Variants in EYS observed in about 807,000 individuals in gnomAD.
EYS encodes protein eyes shut homolog.
Under a neutral mutation model 282.1 loss-of-function variants are expected in EYS, and 250 were observed. That is an observed-to-expected ratio of 0.89 (90% CI 0.80 to 0.98). The LOEUF (loss-of-function observed/expected upper bound fraction) is 0.98. EYS is among the 50% of genes least tolerant of loss of function. The pLI is 0.00. For synonymous variants in EYS, 1,355 were observed against 1,282.9 expected, an observed-to-expected ratio of 1.06 and a Z score of -1.20; for missense variants, 4,016 against 3,709.0, an observed-to-expected ratio of 1.08 and a Z score of -2.15.
intron 15 of EYS, among the ~76,000 whole-genome samples, chr6:64,928,012 C>A (rs538939503): frequency 2.0e-5 from 3 of 152,056 alleles, no homozygotes; most frequent in African/African-American, 7.2e-5. Context: ...TGGATAAGTT[C>A]TATATTTTGG....
chr6:64,588,502 C>T (rs929825072), intron 26 of EYS, among the ~76,000 whole-genome samples: 8 of 151,994 alleles, frequency 5.3e-5, no homozygotes, highest in South Asian at 2.1e-4. Flanking sequence ...AGTCTCCTCC[C>T]TGTCTGTTCT....
At chr6:64,235,040 G>A (rs1292163150) in intron 30 of EYS, among the ~76,000 whole-genome samples, 5 of 151,184 alleles carry the variant, frequency 3.3e-5, no homozygotes, top group Admixed American at 3.3e-4. Context: ...ACCACACCCG[G>A]CTAATTTTTA....
At chr6:64,829,098 TA>T (rs1443086548) in intron 19 of EYS, among the ~76,000 whole-genome samples, 4 of 151,800 alleles carry the variant, frequency 2.6e-5, no homozygotes, top group Admixed American at 2.6e-4. Flanking sequence ...GAAGGCAAAA[TA>T]TAAGACTATC....
intron 1 of EYS, among the ~76,000 whole-genome samples, chr6:65,654,881 TAA>T (rs1238639684): frequency 7.9e-5 from 12 of 151,016 alleles, no homozygotes; most frequent in African/African-American, 2.9e-4. Flanking sequence ...AATTTGTTTT[TAA>T]AAGATATTCT....
chr6:64,035,019 G>A (rs918684520), intron 33 of EYS, among the ~76,000 whole-genome samples: 4 of 152,176 alleles, frequency 2.6e-5, no homozygotes, highest in African/African-American at 9.7e-5. Context: ...AATGTCTGGA[G>A]ATTGTCACAG....
At chr6:65,678,069 G>C (rs1001032545) in intron 1 of EYS, among the ~76,000 whole-genome samples, 1 of 151,984 alleles carries the variant, frequency 6.6e-6, no homozygotes, top group Non-Finnish European at 1.5e-5. Flanking sequence ...CTTCTGGTGA[G>C]GGATTCAGGA....
intron 2 of EYS, among the ~76,000 whole-genome samples, chr6:65,540,660 TG>T (rs1768131656): frequency 6.6e-6 from 1 of 152,206 alleles, no homozygotes; most frequent in African/African-American, 2.4e-5. Flanking sequence ...GGCTCACGCC[TG>T]TAATCCCAGC....
chr6:65,394,754 C>T (rs765845228), intron 7 of EYS, among the ~76,000 whole-genome samples: 1 of 152,100 alleles, frequency 6.6e-6, no homozygotes, highest in Non-Finnish European at 1.5e-5. Flanking sequence ...GCTCTGTACA[C>T]TTCTTTCATA....
At chr6:65,670,845 G>C (rs945501337) in intron 1 of EYS, among the ~76,000 whole-genome samples, 1 of 151,288 alleles carries the variant, frequency 6.6e-6, no homozygotes, top group Non-Finnish European at 1.5e-5. Context: ...TACAATCCTT[G>C]TTTCCTTGGC....
At chr6:64,047,258 C>T (rs1770659505) in intron 33 of EYS, among the ~76,000 whole-genome samples, 1 of 151,548 alleles carries the variant, frequency 6.6e-6, no homozygotes, top group Admixed American at 6.6e-5. Context: ...TTCAATAATT[C>T]CACTTAGGAG....
At position 64,536,256 on chromosome 6, in the gene EYS, G is replaced by A. The variant is rs933185503; in HGVS notation, c.5644+53967C>T. On this transcript the variant is annotated intron_variant, in intron 26 of 42. Coordinates refer to ENST00000503581, the MANE Select transcript of EYS (RefSeq NM_001142800.2). ...TATCTGAAGTCCTCTTACCTGCTTC[G>A]GGAAAACAAATGTAAGGGAAAAAAC... Among the ~76,000 whole-genome samples the A allele has an allele frequency of 4.0e-5, 6 of 151,872 alleles. No individual in the cohort carries two copies. The East Asian group carries it at 5.8e-4, about 15-fold the overall frequency.
At position 64,627,796 on chromosome 6, in the gene EYS, AG is replaced by A. The variant is rs149383282; in HGVS notation, c.3444-1552del. 2.4e-3 allele frequency among the ~76,000 whole-genome samples: 368 copies of A among 152,236 alleles called. 2 individuals are homozygous for A. Among genetic ancestry groups the A allele is most frequent in the African/African-American group, 8.3e-3 (345 of 41,554 alleles). ...ACCAACAAACAATAAGACTTGCTTT[AG>A]GGCCGGGGGCGGTGGCTCACGCCTG... On this transcript the variant is annotated intron_variant, in intron 22 of 42. Transcript: ENST00000503581.
At chr6:64,143,039 C>T (rs566004176) in intron 31 of EYS, among the ~76,000 whole-genome samples, 17 of 152,166 alleles carry the variant, frequency 1.1e-4, no homozygotes, top group African/African-American at 2.9e-4. Context: ...GAAATGTAAA[C>T]GCATATCACT....
chr6:65,286,243 C>G (rs1188656322), intron 12 of EYS, among the ~76,000 whole-genome samples: 1 of 151,730 alleles, frequency 6.6e-6, no homozygotes, highest in African/African-American at 2.4e-5. Flanking sequence ...ATCACACTTC[C>G]AAATTAAGCT....
chr6:63,810,306 C>T (rs976278514), intron 36 of EYS, among the ~76,000 whole-genome samples: 4 of 123,642 alleles, frequency 3.2e-5, no homozygotes, highest in Non-Finnish European at 6.7e-5. Context: ...CAAAAACAAC[C>T]CCCCCCCCCA....
intron 5 of EYS, among the ~76,000 whole-genome samples, chr6:65,410,127 C>T (rs1262165066): frequency 2.0e-5 from 3 of 151,996 alleles, no homozygotes; most frequent in East Asian, 3.9e-4. Flanking sequence ...TATAGTAAAA[C>T]ATTGTTTGAA....
chr6:65,142,658 TAA>T (rs757628235), intron 12 of EYS, among the ~76,000 whole-genome samples: 3 of 144,678 alleles, frequency 2.1e-5, no homozygotes, highest in Non-Finnish European at 4.6e-5. Context: ...ATTCCAAATT[TAA>T]AAAAAAAAAA....
intron 36 of EYS, chr6:63,821,578 G>C (rs1349001164): frequency 6.6e-6 from 1 of 152,236 alleles, no homozygotes; most frequent in Non-Finnish European, 1.5e-5. Context: ...CCAATGACAG[G>C]TTGCTTCTTG....
Position 64,439,267 on chromosome 6 carries a change from T to C in EYS, c.5730A>G (p.Glu1910=), listed in dbSNP as rs2150466419. The part of the protein sequence containing the change: ...ALNPQNNISL[E]FQTFSSYGLL... Reference sequence around the variant, plus strand: ...GTCCATAGGAGCTGAAGGTCTGAAATTCTAGGGAGATGTTATTTTGTGGAT... The same window carrying C: ...GTCCATAGGAGCTGAAGGTCTGAAACTCTAGGGAGATGTTATTTTGTGGAT... Residue 1910 remains glutamate, a synonymous_variant, in exon 27 of 43, where the codon GAA becomes GAG. Transcript: ENST00000503581. The C allele has an allele frequency of 6.6e-7, 1 of 1,518,524 alleles. No individual in the cohort carries two copies. The highest frequency in any genetic ancestry group is 2.6e-5 in the East Asian group (1 of 38,506). 94.1% of individuals were successfully genotyped at this position (1,518,524 alleles called of 1,614,324 possible).
Sources: gnomAD v4.1 joint callset for allele counts (sites outside exome capture counted in the v4.1 genomes callset) on GRCh38, gnomAD v4.1.1 for gene constraint, MANE v1.5 for transcripts, NCBI Gene and HGNC (gene_info 2026-07-23, HGNC 2026-07-21) for gene names.